Variants in KCNS3 observed in about 807,000 individuals in gnomAD.
KCNS3 encodes potassium voltage-gated channel modifier subfamily S member 3.
In KCNS3, 13 loss-of-function variants were observed where a neutral mutation model predicts 31.0. The observed-to-expected ratio is 0.42, with a 90% CI of 0.27 to 0.67. KCNS3 has a LOEUF of 0.67. Among genes scored for constraint, KCNS3 ranks in the 30% least tolerant of loss-of-function variants. The pLI is 0.25. For synonymous variants in KCNS3, 238 were observed against 241.5 expected, an observed-to-expected ratio of 0.99 and a Z score of 0.13; for missense variants, 545 against 622.4, an observed-to-expected ratio of 0.88 and a Z score of 1.32.
At chr2:17,881,270 G>A (rs892957306) in intron 1 of KCNS3, among the ~76,000 whole-genome samples, 7 of 152,170 alleles carry the variant, frequency 4.6e-5, no homozygotes, top group African/African-American at 1.7e-4. Context: ...AGGTGGGTGT[G>A]TTTATTGACT....
intron 1 of KCNS3, among the ~76,000 whole-genome samples, chr2:17,894,084 A>G (rs1246418069): frequency 6.6e-6 from 1 of 151,834 alleles, no homozygotes; most frequent in East Asian, 1.9e-4. Flanking sequence ...TATAACCCAC[A>G]TCAATGGAGT....
intron 2 of KCNS3, among the ~76,000 whole-genome samples, chr2:17,926,879 C>T (rs1232483936): frequency 1.3e-5 from 2 of 152,212 alleles, no homozygotes; most frequent in Non-Finnish European, 2.9e-5. Flanking sequence ...TTTCTGCAGC[C>T]AGCTTGAATT....
chr2:17,915,351 G>A (rs12464113), intron 1 of KCNS3, among the ~76,000 whole-genome samples: 139,507 of 152,200 alleles, frequency 0.92, 64,117 homozygotes, highest in East Asian at 0.99. Context: ...AAATGGAAAC[G>A]CTGGATGGGA....
At position 17,931,263 on chromosome 2, in the gene KCNS3, G is replaced by A. The variant is rs145158300; in HGVS notation, c.255G>A (p.Thr85=). The change falls in exon 3 of 3, where the codon ACG becomes ACA. Residue 85 remains threonine, a synonymous_variant. Coordinates refer to ENST00000304101, the MANE Select transcript of KCNS3 (RefSeq NM_002252.5). This position sits in a 1 kb window ranked among gnomAD's most constrained non-coding sequence, Gnocchi z 5.4. ...LFRYVLNFYY[T]GKLHVMEELC... The stretch of plus-strand genomic sequence containing the variant: ...GATATGTTTTGAATTTTTATTACAC[G>A]GGGAAGCTGCATGTCATGGAGGAGC... 4.8e-5 allele frequency: 78 copies of A among 1,614,146 alleles called. No individual in the cohort carries two copies. The highest frequency in any genetic ancestry group is 1.6e-4 in the Middle Eastern group (1 of 6,062).
intron 1 of KCNS3, among the ~76,000 whole-genome samples, chr2:17,881,735 C>T (rs573418945): frequency 6.6e-6 from 1 of 152,280 alleles, no homozygotes; most frequent in Admixed American, 6.5e-5. Flanking sequence ...TCCTACAGTT[C>T]CAACACTGTT....
intron 1 of KCNS3, among the ~76,000 whole-genome samples, chr2:17,905,975 TA>T (rs1207106436): frequency 6.6e-6 from 1 of 152,138 alleles, no homozygotes; most frequent in African/African-American, 2.4e-5. Context: ...GCTGGCCTGA[TA>T]AGATGAGTTA....
chr2:17,883,203 T>C (rs1263762746), intron 1 of KCNS3, among the ~76,000 whole-genome samples: 1 of 152,230 alleles, frequency 6.6e-6, no homozygotes, highest in Non-Finnish European at 1.5e-5. Context: ...ATTCTACTAA[T>C]CAGCCATCCG....
intron 1 of KCNS3, among the ~76,000 whole-genome samples, chr2:17,906,008 A>G (rs1363864853): frequency 6.6e-6 from 1 of 151,992 alleles, no homozygotes; most frequent in African/African-American, 2.4e-5. Context: ...CTCTTTTTCT[A>G]TTGATTGGAA....
intron 1 of KCNS3, among the ~76,000 whole-genome samples, chr2:17,882,538 G>A (rs1438692402): frequency 1.3e-5 from 2 of 152,182 alleles, no homozygotes; most frequent in Non-Finnish European, 2.9e-5. Flanking sequence ...AGTCCTTGGG[G>A]AGTGGGGAAC....
In KCNS3 at chr2:17,906,924, A is replaced by G. The variant is rs576821538; in HGVS notation, c.-251-10756A>G. Among the ~76,000 whole-genome samples, 25 of 152,312 alleles carry G rather than the reference A, an allele frequency of 1.6e-4. No homozygotes were observed. In the East Asian group the frequency reaches 4.4e-3, roughly 27 times the overall value. On this transcript the variant is annotated intron_variant, in intron 1 of 2. Coordinates refer to ENST00000304101, the MANE Select transcript of KCNS3 (RefSeq NM_002252.5). ...TAAGTGTGATGTGGTGCTGCGAAGA[A>G]TGTATGTTCTGTTGATATGTGGTGT...
In KCNS3 at chr2:17,922,008, T is replaced by C. The variant is rs544439512; in HGVS notation, c.-60+4137T>C. 2.0e-5 allele frequency among the ~76,000 whole-genome samples: 3 copies of C among 147,462 alleles called. No homozygotes were observed. In the South Asian group the frequency reaches 6.4e-4, roughly 31 times the overall value. On this transcript the variant is annotated intron_variant, in intron 2 of 2. Transcript: ENST00000304101. Reference sequence around the variant, plus strand: ...TTTGGCTGGTTAGAATCAGGATCTGTACAAAGTCTGTACACTGGCTTTGTT... The same window carrying C: ...TTTGGCTGGTTAGAATCAGGATCTGCACAAAGTCTGTACACTGGCTTTGTT...
At chr2:17,921,295 A>T (rs1662697802) in intron 2 of KCNS3, among the ~76,000 whole-genome samples, 1 of 152,216 alleles carries the variant, frequency 6.6e-6, no homozygotes, top group Non-Finnish European at 1.5e-5. Context: ...ATTAACTCAT[A>T]GCCATCTTGT....
intron 2 of KCNS3, among the ~76,000 whole-genome samples, chr2:17,923,708 C>A (rs1186393785): frequency 6.6e-6 from 1 of 151,668 alleles, no homozygotes; most frequent in East Asian, 2.0e-4. Flanking sequence ...CCAGCTGTTC[C>A]AATACTATTT....
chr2:17,898,025 C>T (rs1299159123), intron 1 of KCNS3, among the ~76,000 whole-genome samples: 1 of 152,108 alleles, frequency 6.6e-6, no homozygotes, highest in Non-Finnish European at 1.5e-5. Flanking sequence ...TATGGTTAGC[C>T]AGTTATCTCA....
intron 2 of KCNS3, among the ~76,000 whole-genome samples, chr2:17,919,986 T>G (rs1482287830): frequency 6.6e-6 from 1 of 152,208 alleles, no homozygotes; most frequent in Non-Finnish European, 1.5e-5. Flanking sequence ...TTTTTCCATT[T>G]TGTATATCCC....
At chr2:17,915,355 G>A (rs974465780) in intron 1 of KCNS3, among the ~76,000 whole-genome samples, 1 of 152,210 alleles carries the variant, frequency 6.6e-6, no homozygotes, top group Non-Finnish European at 1.5e-5. Flanking sequence ...GGAAACGCTG[G>A]ATGGGATTGT....
At chr2:17,928,307 C>T (rs925173785) in intron 2 of KCNS3, among the ~76,000 whole-genome samples, 9 of 152,162 alleles carry the variant, frequency 5.9e-5, no homozygotes, top group African/African-American at 2.2e-4. Flanking sequence ...GACTCTGTCA[C>T]CGAGGATGGA....
chr2:17,891,380 G>A (rs1661853382), intron 1 of KCNS3, among the ~76,000 whole-genome samples: 1 of 152,178 alleles, frequency 6.6e-6, no homozygotes, highest in Non-Finnish European at 1.5e-5. Flanking sequence ...TCTTTTAAGT[G>A]GAGCATTTAG....
At chr2:17,907,724 A>C (rs989084000) in intron 1 of KCNS3, among the ~76,000 whole-genome samples, 3 of 152,108 alleles carry the variant, frequency 2.0e-5, no homozygotes, top group African/African-American at 4.8e-5. Flanking sequence ...TAAGAAGCTT[A>C]GTTTGGCTGG....
Sources: allele counts gnomAD v4.1 joint callset (sites outside exome capture counted in the v4.1 genomes callset), GRCh38; gene constraint gnomAD v4.1.1; non-coding constraint Gnocchi (gnomAD v3.1); transcripts MANE v1.5; gene names NCBI Gene and HGNC (gene_info 2026-07-23, HGNC 2026-07-21).